The following CCDC186 variants were observed in gnomAD, a reference collection of about 807,000 sequenced individuals.
CCDC186 encodes coiled-coil domain containing 186.
Under a neutral mutation model 113.7 loss-of-function variants are expected in CCDC186, and 49 were observed. The observed-to-expected ratio is 0.43, with a 90% CI of 0.34 to 0.55. CCDC186 has a LOEUF of 0.55. CCDC186 is among the 20% of genes least tolerant of loss of function. The probability of loss-of-function intolerance (pLI) is 0.02; values close to 1 mark genes in which losing one functional copy is unlikely to be tolerated. For synonymous variants in CCDC186, 355 were observed against 345.8 expected (o/e 1.03, Z -0.30); for missense variants, 890 against 1,011.1 (o/e 0.88, Z 1.62).
chr10:114,150,228 G>A (rs916034529), intron 4 of CCDC186, among the ~76,000 whole-genome samples: 3 of 152,180 alleles, frequency 2.0e-5, no homozygotes, highest in Non-Finnish European at 4.4e-5. Context: ...GTCAGATACT[G>A]TGCTAGGTTT....
chr10:114,130,338 T>C lies in CCDC186; in HGVS notation c.2102-367A>G, dbSNP rs116516313. The C allele has an allele frequency of 7.8e-3, 1,302 of 166,360 alleles. 20 individuals carry two copies. The highest frequency in any genetic ancestry group is 0.029 in the African/African-American group (1,212 of 41,692). 10.3% of individuals were successfully genotyped at this position (166,360 alleles called of 1,614,324 possible). A position where few individuals can be genotyped will look rare whatever the true frequency, so the allele number is the denominator to read the frequency against. On this transcript the variant is annotated intron_variant, in intron 12 of 15. Transcript: ENST00000369287. ...TCTATGGCAAATATCTGAATATATT[T>C]GTATTAAGTAAATGCTAAGTCCCTT...
At position 114,151,355 on chromosome 10, in the gene CCDC186, T is replaced by A. The variant is rs1357966501; in HGVS notation, c.760-135A>T. On this transcript the variant is annotated intron_variant, in intron 3 of 15. Coordinates refer to ENST00000369287, the MANE Select transcript of CCDC186 (RefSeq NM_018017.4). Reference sequence around the variant, plus strand: ...ACTTCAGCTATTGAAATAAAAACTTTTAGCAATGTTTCTATATCTCACTGT... The same window carrying A: ...ACTTCAGCTATTGAAATAAAAACTTATAGCAATGTTTCTATATCTCACTGT... 3 of 731,928 alleles carry A rather than the reference T, an allele frequency of 4.1e-6. No homozygotes were observed. The South Asian group carries it at 6.2e-5, about 15-fold the overall frequency. 45.3% of individuals were successfully genotyped at this position (731,928 alleles called of 1,614,324 possible). A position where few individuals can be genotyped will look rare whatever the true frequency, so the allele number is the denominator to read the frequency against.
chr10:114,165,849 C>CA (rs56143525), intron 1 of CCDC186: 26,000 of 665,942 alleles, frequency 0.039, no homozygotes, highest in Middle Eastern at 0.052. Context: ...CACTTTGTCT[C>CA]AAAAAAAAAA....
In CCDC186 at chr10:114,145,673, C is replaced by A; in HGVS notation, c.977G>T (p.Arg326Leu). The A allele has an allele frequency of 6.2e-7, 1 of 1,612,790 alleles. No individual in the cohort carries two copies. The highest frequency in any genetic ancestry group is 1.1e-5 in the South Asian group (1 of 90,748). The change falls in exon 5 of 16, where the codon CGA becomes CTA. Residue 326 changes from arginine (R) to leucine (L), a missense_variant. Arg to Leu is a moderately radical substitution (Grantham distance 102). Coordinates refer to ENST00000369287, the MANE Select transcript of CCDC186 (RefSeq NM_018017.4). ...TTTCTCAAGTGTCTCTTTTTCCTTT[C>A]GAAGATCTAAAGATTCCTTCTCACC... Reference protein sequence around the residue: ...VRGEKESLDLRKEKETLEKKL... With the variant: ...VRGEKESLDLLKEKETLEKKL...
At position 114,131,168 on chromosome 10, in the gene CCDC186, G is replaced by A; in HGVS notation, c.2080C>T (p.Leu694Phe). ...RRKHASSIKD[L>F]TKQLQQARRK... ...ATACCTTGCTGAAGTTGTTTGGTGA[G>A]ATCCTTGATACTAGAGGCATGTTTA... The change falls in exon 12 of 16, where the codon CTC becomes TTC. Residue 694 changes from leucine (L) to phenylalanine (F), a missense_variant. Transcript: ENST00000369287. 1.9e-6 allele frequency: 3 copies of A among 1,560,358 alleles called. No homozygotes were observed. The highest frequency in any genetic ancestry group is 1.2e-5 in the South Asian group (1 of 82,022).
At chr10:114,150,629 TA>T (rs2031824789) in intron 4 of CCDC186, among the ~76,000 whole-genome samples, 1 of 152,166 alleles carries the variant, frequency 6.6e-6, no homozygotes, top group Non-Finnish European at 1.5e-5. Flanking sequence ...TGTATTTATA[TA>T]TTGCTTTAGA....
At chr10:114,170,248 A>C (rs1260881298) in intron 1 of CCDC186, among the ~76,000 whole-genome samples, 1 of 152,178 alleles carries the variant, frequency 6.6e-6, no homozygotes, top group African/African-American at 2.4e-5. Context: ...CAAAAAAAAA[A>C]CTGTAAATAA....
In CCDC186 at chr10:114,131,981, T is replaced by C; in HGVS notation, c.1859A>G (p.Glu620Gly). ...TTCACACTGGCTTTGTAACTGACTT[T>C]CACTACAGGAAACTTTATCAAATTG... ...QSQFDKVSCS[E>G]SQLQSQCEQM... is the part of the protein sequence containing the mutation. The change falls in exon 11 of 16, where the codon GAA becomes GGA. Residue 620 changes from glutamate (E) to glycine (G), a missense_variant. By Grantham distance (98) the Glu-to-Gly change is moderately conservative. Transcript: ENST00000369287. 5 of 1,612,778 alleles carry C rather than the reference T, an allele frequency of 3.1e-6. No individual in the cohort carries two copies. Among genetic ancestry groups the C allele is most frequent in the Non-Finnish European group, 4.2e-6 (5 of 1,179,420 alleles).
rs529786025 is a variant in CCDC186 at position 114,158,109 on chromosome 10, T to C, written c.633-429A>G. On this transcript the variant is annotated intron_variant, in intron 2 of 15. Transcript: ENST00000369287. The stretch of plus-strand genomic sequence containing the variant: ...GGTAGGGGCTGCTACTGGCATCTAG[T>C]GGATGGAGGCCAGGGATGCTGCTAA... Among the ~76,000 whole-genome samples the C allele has an allele frequency of 2.0e-5, 3 of 152,324 alleles. No individual in the cohort carries two copies. The South Asian group carries it at 6.2e-4, about 32-fold the overall frequency.
In CCDC186 at chr10:114,155,841, C is replaced by T. The variant is rs73355759; in HGVS notation, c.759+1713G>A. Among the ~76,000 whole-genome samples the T allele has an allele frequency of 1.9e-3, 284 of 152,164 alleles. 2 individuals carry two copies. The highest frequency in any genetic ancestry group is 6.5e-3 in the African/African-American group (269 of 41,526). ...TCTTCTAAGTTACATGTGTATTTTACACTTACAGCACCTCTCAATTTAGAC... is the reference window on the plus strand; with the variant it reads ...TCTTCTAAGTTACATGTGTATTTTATACTTACAGCACCTCTCAATTTAGAC... On this transcript the variant is annotated intron_variant, in intron 3 of 15. Coordinates refer to ENST00000369287, the MANE Select transcript of CCDC186 (RefSeq NM_018017.4).
At chr10:114,132,883 G>A (rs968578903) in intron 10 of CCDC186, among the ~76,000 whole-genome samples, 1 of 152,158 alleles carries the variant, frequency 6.6e-6, no homozygotes, top group South Asian at 2.1e-4. Context: ...CTTAACACAG[G>A]GTTTGGGAAA....
chr10:114,154,583 G>GA (rs980026832), intron 3 of CCDC186, among the ~76,000 whole-genome samples: 1 of 151,978 alleles, frequency 6.6e-6, no homozygotes, highest in African/African-American at 2.4e-5. Context: ...TACCCACAAA[G>GA]AAAAATTCAG....
intron 4 of CCDC186, among the ~76,000 whole-genome samples, chr10:114,150,337 T>C (rs1396782263): frequency 1.3e-5 from 2 of 152,198 alleles, no homozygotes; most frequent in Non-Finnish European, 2.9e-5. Flanking sequence ...TGAGATCATA[T>C]ATACCAACTT....
In CCDC186 at chr10:114,157,646, A is replaced by G; in HGVS notation, c.667T>C (p.Phe223Leu). Reference protein sequence around the residue: ...IKENKKHQELFVDICSEKDNL... With the variant: ...IKENKKHQELLVDICSEKDNL... The stretch of plus-strand genomic sequence containing the variant: ...TCTTTTTCTGAACAAATGTCTACGA[A>G]GAGCTCCTGATGCTTCTTATTTTCT... The change falls in exon 3 of 16, where the codon TTC becomes CTC. Residue 223 changes from phenylalanine (F) to leucine (L), a missense_variant. Coordinates refer to ENST00000369287, the MANE Select transcript of CCDC186 (RefSeq NM_018017.4). 1 of 1,605,300 alleles carries G rather than the reference A, an allele frequency of 6.2e-7. No individual in the cohort carries two copies. Among genetic ancestry groups the G allele is most frequent in the Non-Finnish European group, 8.5e-7 (1 of 1,176,024 alleles).
chr10:114,126,032 G>C lies in CCDC186; in HGVS notation c.2467C>G (p.His823Asp). Reference protein sequence around the residue: ...SSEASDFNKVHLSRRGGIMAS... With the variant: ...SSEASDFNKVDLSRRGGIMAS... ...ATGATGCCACCCCGTCTACTTAAAT[G>C]AACTTTGTTAAAATCAGATGCCTCT... The change falls in exon 15 of 16, where the codon CAT becomes GAT. Residue 823 changes from histidine (H) to aspartate (D), a missense_variant. By Grantham distance (81) the His-to-Asp change is moderately conservative. Transcript: ENST00000369287. 6.2e-7 allele frequency: 1 copy of C among 1,613,980 alleles called. No homozygotes were observed. The highest frequency in any genetic ancestry group is 8.5e-7 in the Non-Finnish European group (1 of 1,179,954).
intron 14 of CCDC186, among the ~76,000 whole-genome samples, chr10:114,126,547 G>A (rs1162485446): frequency 2.0e-5 from 3 of 151,980 alleles, no homozygotes; most frequent in Non-Finnish European, 4.4e-5. Flanking sequence ...ATGGGGTCTT[G>A]CTATGTTGCT....
rs1302942210 is a variant in CCDC186 at position 114,145,737 on chromosome 10, G to A, written c.913C>T (p.Arg305Cys). 3.8e-6 allele frequency: 6 copies of A among 1,591,336 alleles called. No homozygotes were observed. Among genetic ancestry groups the A allele is most frequent in the Admixed American group, 1.9e-5 (1 of 53,638 alleles). ...EQANKKCEEA[R>C]QEKEAMVMKY... ...ATTACCATTGCTTCTTTTTCTTGGCGTGCCTCTTCACATTTCTTGTTGGCC... is the reference window on the plus strand; with the variant it reads ...ATTACCATTGCTTCTTTTTCTTGGCATGCCTCTTCACATTTCTTGTTGGCC... The change falls in exon 5 of 16, where the codon CGC becomes TGC. Residue 305 changes from arginine to cysteine, a missense_variant. By Grantham distance (180) the Arg-to-Cys change is radical. Transcript: ENST00000369287.
chr10:114,150,140 G>A (rs755710088), intron 4 of CCDC186, among the ~76,000 whole-genome samples: 2 of 152,178 alleles, frequency 1.3e-5, no homozygotes, highest in Non-Finnish European at 2.9e-5. Context: ...GGTAGAAAGG[G>A]TGGGATCCAT....
At chr10:114,146,190 C>T (rs934887604) in intron 4 of CCDC186, among the ~76,000 whole-genome samples, 1 of 152,212 alleles carries the variant, frequency 6.6e-6, no homozygotes, top group African/African-American at 2.4e-5. Context: ...TGAGATCTGG[C>T]TCCTCCAGAG....
Sources: allele counts gnomAD v4.1 joint callset (sites outside exome capture counted in the v4.1 genomes callset), GRCh38; gene constraint gnomAD v4.1.1; transcripts MANE v1.5; gene names NCBI Gene and HGNC (gene_info 2026-07-23, HGNC 2026-07-21).